SLC2A9: variants seen among roughly 807,000 people sequenced by gnomAD.
The protein encoded by SLC2A9 is solute carrier family 2, facilitated glucose transporter member 9.
In SLC2A9, 39 loss-of-function variants were observed where a neutral mutation model predicts 50.6. The ratio of observed to expected loss-of-function variants is 0.77; its 90% CI spans 0.60 to 1.01. SLC2A9 has a LOEUF of 1.01. Among genes scored for constraint, SLC2A9 ranks in the 50% least tolerant of loss-of-function variants. SLC2A9 has a pLI of 0.00. For missense variants in SLC2A9, 686 were observed against 677.6 expected (o/e 1.01, Z -0.14); for synonymous variants, 324 against 276.9 (o/e 1.17, Z -1.69).
At chr4:9,951,801 T>C (rs111282854) in intron 5 of SLC2A9, among the ~76,000 whole-genome samples, 102 of 152,386 alleles carry the variant, frequency 6.7e-4, no homozygotes, top group African/African-American at 2.1e-3. Context: ...GTTTTTGATA[T>C]GGAATCTTTA....
At chr4:9,949,561 T>C (rs1339546513) in intron 5 of SLC2A9, among the ~76,000 whole-genome samples, 19 of 152,046 alleles carry the variant, frequency 1.2e-4, no homozygotes, top group Admixed American at 1.2e-3. Context: ...AATTAGGGGG[T>C]CTGGCAGAAC....
chr4:9,853,125 G>A (rs10939567), intron 10 of SLC2A9, among the ~76,000 whole-genome samples: 35,836 of 148,872 alleles, frequency 0.24, 4,583 homozygotes, highest in Admixed American at 0.38. Flanking sequence ...GCAGTGAGCC[G>A]AGATTGTGCC....
chr4:10,005,458 A>T (rs750971479), intron 2 of SLC2A9, among the ~76,000 whole-genome samples: 1 of 152,232 alleles, frequency 6.6e-6, no homozygotes, highest in Non-Finnish European at 1.5e-5. Flanking sequence ...GGAGGGTTTT[A>T]GCACGGAATT....
chr4:9,870,061 G>A (rs1733161556), intron 10 of SLC2A9, among the ~76,000 whole-genome samples: 1 of 152,238 alleles, frequency 6.6e-6, no homozygotes, highest in Non-Finnish European at 1.5e-5. Context: ...GTGTAGTGAT[G>A]TGGCCACAAG....
rs1228816556 is a variant in SLC2A9, at chr4:9,792,159, G to GTTT, written n.386-12097_386-12095dup. Among the ~76,000 whole-genome samples, 108 of 94,588 alleles carry GTTT rather than the reference G, an allele frequency of 1.1e-3. 2 individuals carry two copies. Among genetic ancestry groups the GTTT allele is most frequent in the African/African-American group, 3.8e-3 (107 of 28,280 alleles). 62.1% of individuals were successfully genotyped at this position (94,588 alleles called of 152,430 possible). On this transcript the variant is annotated intron_variant and non_coding_transcript_variant, in intron 3 of 3. Transcript: ENST00000503803. ...AACCAGGAGATGTTTTCTATTCTAT[G>GTTT]TTTCTTTTTTTTTTTTTTTTTTTTT... is the stretch of plus-strand genomic sequence containing the variant.
intron 3 of SLC2A9, among the ~76,000 whole-genome samples, chr4:9,799,692 A>AGGGGGGGGGGGGCCCCCC: frequency 1.4e-5 from 1 of 69,864 alleles, no homozygotes. Context: ...TTCCAATTGT[A>AGGGGGGGGGGGGCCCCCC]CCCCCCCCCC....
chr4:9,868,023 G>A (rs1432390747), intron 10 of SLC2A9, among the ~76,000 whole-genome samples: 1 of 152,204 alleles, frequency 6.6e-6, no homozygotes, highest in Non-Finnish European at 1.5e-5. Context: ...TGCCCATGCT[G>A]ACTTCTCCAC....
At chr4:9,901,828 C>T (rs889849694) in intron 8 of SLC2A9, among the ~76,000 whole-genome samples, 1 of 152,304 alleles carries the variant, frequency 6.6e-6, no homozygotes, top group East Asian at 1.9e-4. Context: ...CCTCTGACCT[C>T]TAGGCGGCTT....
chr4:9,845,254 C>T (rs1295032248), intron 10 of SLC2A9, among the ~76,000 whole-genome samples: 1 of 151,840 alleles, frequency 6.6e-6, no homozygotes, highest in Non-Finnish European at 1.5e-5. Context: ...ACCTCGTGAT[C>T]CGCCTGCCTC....
intron 3 of SLC2A9, among the ~76,000 whole-genome samples, chr4:9,818,345 C>T (rs1723922842): frequency 6.6e-6 from 1 of 152,206 alleles, no homozygotes; most frequent in South Asian, 2.1e-4. Context: ...AAGTATAGAG[C>T]TGTGAGTATT....
At chr4:9,863,070 G>A (rs568938235) in intron 10 of SLC2A9, among the ~76,000 whole-genome samples, 9 of 151,954 alleles carry the variant, frequency 5.9e-5, no homozygotes, top group East Asian at 1.9e-4. Flanking sequence ...TGAGCTTGAC[G>A]GGGACCGAGA....
chr4:9,962,936 A>G (rs1752502574), intron 5 of SLC2A9, among the ~76,000 whole-genome samples: 1 of 152,118 alleles, frequency 6.6e-6, no homozygotes, highest in African/African-American at 2.4e-5. Flanking sequence ...TGTGCCTGGA[A>G]TGGTGTTTTC....
chr4:9,905,998 T>A (rs932302804), intron 8 of SLC2A9, among the ~76,000 whole-genome samples: 2 of 152,226 alleles, frequency 1.3e-5, no homozygotes, highest in Non-Finnish European at 2.9e-5. Flanking sequence ...TCCACAAGGA[T>A]GTCCATCGTA....
At chr4:9,944,762 T>C (rs558592111) in intron 5 of SLC2A9, among the ~76,000 whole-genome samples, 1 of 152,306 alleles carries the variant, frequency 6.6e-6, no homozygotes, top group South Asian at 2.1e-4. Flanking sequence ...CCAGCAAGTG[T>C]TCAGAGATTT....
intron 6 of SLC2A9, among the ~76,000 whole-genome samples, chr4:9,921,042 T>C (rs1743854959): frequency 6.6e-6 from 1 of 152,222 alleles, no homozygotes; most frequent in South Asian, 2.1e-4. Flanking sequence ...GCCTGGCTCA[T>C]GAGTTCATCC....
intron 8 of SLC2A9, among the ~76,000 whole-genome samples, chr4:9,897,089 AG>A (rs1305136039): frequency 6.6e-6 from 1 of 152,222 alleles, no homozygotes; most frequent in African/African-American, 2.4e-5. Flanking sequence ...AGAGAGGTTT[AG>A]CAACCTGGCT....
downstream of SLC2A9, among the ~76,000 whole-genome samples, chr4:9,776,036 G>A (rs62293226): frequency 0.035 from 5,310 of 152,046 alleles, 156 homozygotes; most frequent in Middle Eastern, 0.095. Context: ...CCATAATCTC[G>A]CTCCCTAGCC....
intron 10 of SLC2A9, among the ~76,000 whole-genome samples, chr4:9,886,967 T>A (rs1216807266): frequency 6.6e-6 from 1 of 152,136 alleles, no homozygotes; most frequent in Non-Finnish European, 1.5e-5. Flanking sequence ...TAGAAGTGAG[T>A]CCCAGGTAAA....
intron 6 of SLC2A9, among the ~76,000 whole-genome samples, chr4:9,926,618 G>C (rs1010021807): frequency 6.6e-6 from 1 of 151,840 alleles, no homozygotes; most frequent in African/African-American, 2.4e-5. Context: ...TCTTTAGCCT[G>C]GCAGAGGGTA....
Sources: allele counts gnomAD v4.1 joint callset (sites outside exome capture counted in the v4.1 genomes callset), GRCh38; gene constraint gnomAD v4.1.1; transcripts MANE v1.5; gene names NCBI Gene and HGNC (gene_info 2026-07-23, HGNC 2026-07-21).